DDX4: variants seen among roughly 807,000 people sequenced by gnomAD.
The protein encoded by DDX4 is probable ATP-dependent RNA helicase DDX4.
Under a neutral mutation model 100.0 loss-of-function variants are expected in DDX4, and 25 were observed. That is an observed-to-expected ratio of 0.25 (90% CI 0.18 to 0.35). The LOEUF is 0.35. DDX4 is among the 10% of genes least tolerant of loss of function. DDX4 has a pLI of 1.00. For missense variants in DDX4, 635 were observed against 882.4 expected (o/e 0.72, Z 3.55); for synonymous variants, 259 against 275.7 (o/e 0.94, Z 0.60).
At chr5:55,815,936 G>GTTTTTT (rs1183741125) in intron 21 of DDX4, among the ~76,000 whole-genome samples, 1 of 115,672 alleles carries the variant, frequency 8.6e-6, no homozygotes, top group Non-Finnish European at 1.7e-5. Context: ...CATCTTAGCT[G>GTTTTTT]GTTTTTTTTT....
intron 18 of DDX4, among the ~76,000 whole-genome samples, chr5:55,807,517 G>A (rs1044639053): frequency 1.3e-5 from 2 of 152,150 alleles, no homozygotes; most frequent in African/African-American, 4.8e-5. Context: ...GGGAAGGCCT[G>A]GTGGTGACAA....
intron 18 of DDX4, among the ~76,000 whole-genome samples, chr5:55,809,252 C>G (rs1261417366): frequency 6.6e-6 from 1 of 152,214 alleles, no homozygotes; most frequent in Non-Finnish European, 1.5e-5. Flanking sequence ...TTCCCTGACC[C>G]CTTGCGCTTC....
chr5:55,756,319 A>T (rs1013604985), intron 3 of DDX4, among the ~76,000 whole-genome samples: 1 of 152,174 alleles, frequency 6.6e-6, no homozygotes, highest in African/African-American at 2.4e-5. Context: ...TAATGAGATC[A>T]CCAGGTAATT....
intron 3 of DDX4, among the ~76,000 whole-genome samples, chr5:55,757,983 C>A (rs534882550): frequency 6.6e-6 from 1 of 152,098 alleles, no homozygotes; most frequent in Admixed American, 6.6e-5. Context: ...GGTCAGAGGT[C>A]GCAGTGAGCG....
chr5:55,799,732 A>G (rs1176938249), intron 18 of DDX4, among the ~76,000 whole-genome samples: 2 of 152,026 alleles, frequency 1.3e-5, no homozygotes, highest in African/African-American at 4.8e-5. Flanking sequence ...TTATTTTGAG[A>G]CTGGAAGCAA....
intron 2 of DDX4, among the ~76,000 whole-genome samples, chr5:55,744,869 C>CT (rs1444087214): frequency 4.9e-5 from 7 of 143,832 alleles, no homozygotes; most frequent in South Asian, 2.2e-4. Flanking sequence ...ACAGTGAATC[C>CT]TTTTTTTTCT....
intron 10 of DDX4, among the ~76,000 whole-genome samples, chr5:55,782,749 A>G (rs1170780122): frequency 6.6e-6 from 1 of 151,906 alleles, no homozygotes; most frequent in Non-Finnish European, 1.5e-5. Flanking sequence ...GGTCTGAAGG[A>G]TAAAGTTAGC....
chr5:55,758,031 C>A (rs145313627), intron 3 of DDX4, among the ~76,000 whole-genome samples: 1 of 152,126 alleles, frequency 6.6e-6, no homozygotes, highest in Non-Finnish European at 1.5e-5. Context: ...GGTGACAGAG[C>A]AAGACTCCAT....
intron 7 of DDX4, among the ~76,000 whole-genome samples, chr5:55,768,658 TG>T (rs2111867135): frequency 6.6e-6 from 1 of 152,342 alleles, no homozygotes; most frequent in East Asian, 1.9e-4. Flanking sequence ...ATGGGATTGC[TG>T]GATCGAATGG....
chr5:55,768,113 C>T, intron 7 of DDX4, 173 bp downstream of exon 7: 1 of 613,608 alleles, frequency 1.6e-6, no homozygotes, highest in Non-Finnish European at 2.9e-6. Context: ...GGGTGCCCCT[C>T]CTTTCACTCT....
At chr5:55,808,380 G>A (rs553393097) in intron 18 of DDX4, among the ~76,000 whole-genome samples, 1 of 152,178 alleles carries the variant, frequency 6.6e-6, no homozygotes, top group African/African-American at 2.4e-5. Context: ...TCCTTTGGAC[G>A]AGGAGTGGCA....
intron 3 of DDX4, among the ~76,000 whole-genome samples, chr5:55,759,682 C>A (rs539195537): frequency 6.6e-6 from 1 of 152,192 alleles, no homozygotes; most frequent in Non-Finnish European, 1.5e-5. Flanking sequence ...ACAGACAGTG[C>A]TTATAAAAAT....
intron 2 of DDX4, among the ~76,000 whole-genome samples, chr5:55,743,773 T>A (rs1313643745): frequency 6.6e-6 from 1 of 152,194 alleles, no homozygotes; most frequent in African/African-American, 2.4e-5. Context: ...AAATTATTTT[T>A]GATGTATTTT....
In DDX4 at chr5:55,746,200, A is replaced by G. The variant is rs777288263; in HGVS notation, c.106A>G (p.Arg36Gly). Residue 36 changes from arginine (R) to glycine (G), a missense_variant, in exon 3 of 22, where the codon AGG (arginine) becomes GGG (glycine). Arg to Gly is a moderately radical substitution (Grantham distance 125). Transcript: ENST00000505374. ...TGGAGAAAATGGAGACAATTTTAAC[A>G]GGACTCCAGCTTCATCATCAGGTAT... ...YSGENGDNFNRTPASSSEMDD... is the reference protein window; with the variant it reads ...YSGENGDNFNGTPASSSEMDD... 7 of 1,612,378 alleles carry G rather than the reference A, an allele frequency of 4.3e-6. No homozygotes were observed. In the East Asian group the frequency reaches 1.3e-4, roughly 31 times the overall value.
chr5:55,762,567 G>A (rs13172212), intron 4 of DDX4, among the ~76,000 whole-genome samples: 62,469 of 151,884 alleles, frequency 0.41, 14,263 homozygotes, highest in African/African-American at 0.59. Context: ...GCAGTTGACA[G>A]TGTGGAGTAT....
chr5:55,814,921 G>A lies in DDX4; in HGVS notation c.1736G>A (p.Arg579Gln). ...SIHGDREQRE[R>Q]EQALGDFRFG... ...TCAAGTGATCGGGAACAGAGAGAGC[G>A]GGAGCAAGCTCTTGGAGATTTTCGC... Residue 579 changes from arginine (R) to glutamine (Q), a missense_variant, in exon 20 of 22, where the codon CGG becomes CAG. Physicochemically the swap from Arg to Gln is conservative, Grantham distance 43 (BLOSUM62 1). Around this residue, in one of 4 missense-constraint regions of DDX4, gnomAD observed 115 missense variants for 224.7 expected, o/e 0.51. Coordinates refer to ENST00000505374, the MANE Select transcript of DDX4 (RefSeq NM_024415.3). The A allele has an allele frequency of 6.2e-7, 1 of 1,613,942 alleles. No homozygotes were observed. The highest frequency in any genetic ancestry group is 8.5e-7 in the Non-Finnish European group (1 of 1,179,834).
chr5:55,784,778 A>G (rs921570089), intron 10 of DDX4, among the ~76,000 whole-genome samples: 7 of 152,196 alleles, frequency 4.6e-5, no homozygotes, highest in African/African-American at 1.7e-4. Context: ...TAGAGTTTAC[A>G]TGTGTTGTCA....
intron 18 of DDX4, among the ~76,000 whole-genome samples, chr5:55,806,257 A>G (rs1419200012): frequency 6.6e-6 from 1 of 151,986 alleles, no homozygotes; most frequent in South Asian, 2.1e-4. Flanking sequence ...AATTTTGTTG[A>G]TCTTTTCAAA....
intron 6 of DDX4, among the ~76,000 whole-genome samples, chr5:55,765,438 G>A (rs1369392623): frequency 1.9e-5 from 2 of 106,414 alleles, no homozygotes; most frequent in African/African-American, 3.8e-5. Context: ...ATATATATAT[G>A]GATTGAATTC....
Sources: gnomAD v4.1 joint callset for allele counts (sites outside exome capture counted in the v4.1 genomes callset) on GRCh38, gnomAD v4.1.1 for gene constraint, gnomAD v4.1.1 regional missense constraint, MANE v1.5 for transcripts, NCBI Gene and HGNC (gene_info 2026-07-23, HGNC 2026-07-21) for gene names.